Variants in PPHLN1 observed in about 807,000 individuals in gnomAD.
The protein encoded by PPHLN1 is periphilin-1.
PPHLN1 carries 29 observed loss-of-function variants against 51.3 expected under a neutral mutation model. That is an observed-to-expected ratio of 0.57 (90% CI 0.42 to 0.77). The LOEUF (loss-of-function observed/expected upper bound fraction) is 0.77. Ranked by LOEUF, PPHLN1 falls within the 30% of genes least tolerant of loss-of-function variation. The pLI is 0.00. For synonymous variants in PPHLN1, 147 were observed against 147.8 expected (o/e 0.99, Z 0.04); for missense variants, 436 against 438.4 (o/e 0.99, Z 0.05).
chr12:42,360,317 T>C (rs1263016778), intron 4 of PPHLN1, among the ~76,000 whole-genome samples: 1 of 151,474 alleles, frequency 6.6e-6, no homozygotes, highest in Non-Finnish European at 1.5e-5. Flanking sequence ...TTAGTGTTTT[T>C]GGCAAGATGA....
chr12:42,428,790 TA>T (rs1377853584), intron 9 of PPHLN1, among the ~76,000 whole-genome samples: 9 of 149,734 alleles, frequency 6.0e-5, no homozygotes, highest in Admixed American at 4.0e-4. Context: ...AATACTTAAT[TA>T]AAAAAAATGA....
At chr12:42,392,979 A>T (rs1279432620) in intron 7 of PPHLN1, among the ~76,000 whole-genome samples, 1 of 152,228 alleles carries the variant, frequency 6.6e-6, no homozygotes, top group East Asian at 1.9e-4. Context: ...CTAGCAAGTC[A>T]TTAAACTGCG....
chr12:42,410,533 A>C (rs2079718077), intron 9 of PPHLN1, among the ~76,000 whole-genome samples: 2 of 152,208 alleles, frequency 1.3e-5, no homozygotes, highest in Admixed American at 1.3e-4. Flanking sequence ...TTCCTTGCAT[A>C]TCGTAGACTT....
At chr12:42,389,524 C>T (rs2077501248) in intron 7 of PPHLN1, among the ~76,000 whole-genome samples, 1 of 152,208 alleles carries the variant, frequency 6.6e-6, no homozygotes, top group South Asian at 2.1e-4. Flanking sequence ...CACGCCACTG[C>T]ACTCCAGCCT....
chr12:42,369,741 C>G (rs1320617677), intron 4 of PPHLN1, among the ~76,000 whole-genome samples: 2 of 152,148 alleles, frequency 1.3e-5, no homozygotes, highest in Non-Finnish European at 2.9e-5. Flanking sequence ...CTCCTAATTC[C>G]TTGATTCTTG....
chr12:42,415,432 A>G lies in PPHLN1; in HGVS notation c.909+16438A>G, dbSNP rs546020536. On this transcript the variant is annotated intron_variant, in intron 9 of 9. Coordinates refer to ENST00000358314, the MANE Select transcript of PPHLN1 (RefSeq NM_201439.2). ...ATGATTCACCCGCCTCGGCCTCCCA[A>G]AGTGCTGCGATTACAGGCGTGAGCC... Among the ~76,000 whole-genome samples, 139 of 152,216 alleles carry G rather than the reference A, an allele frequency of 9.1e-4. 1 individual carries two copies. Among genetic ancestry groups the G allele is most frequent in the African/African-American group, 3.1e-3 (128 of 41,528 alleles).
chr12:42,439,338 C>T (rs1279389540), intron 9 of PPHLN1, among the ~76,000 whole-genome samples: 1 of 152,202 alleles, frequency 6.6e-6, no homozygotes, highest in Non-Finnish European at 1.5e-5. Context: ...AAGTTGAAGA[C>T]TATCTTTTCT....
chr12:42,392,434 A>T (rs867651291), intron 7 of PPHLN1, among the ~76,000 whole-genome samples: 1 of 152,216 alleles, frequency 6.6e-6, no homozygotes, highest in African/African-American at 2.4e-5. Flanking sequence ...AGTGCCCAGC[A>T]CTGTCATCCA....
chr12:42,333,076 G>C (rs765128904), intron 1 of PPHLN1, among the ~76,000 whole-genome samples: 13 of 152,154 alleles, frequency 8.5e-5, no homozygotes, highest in Non-Finnish European at 1.5e-4. Flanking sequence ...ACTCCCAGGA[G>C]TAGTCTGTAC....
At chr12:42,412,908 T>C (rs2080005154) in intron 9 of PPHLN1, among the ~76,000 whole-genome samples, 1 of 152,210 alleles carries the variant, frequency 6.6e-6, no homozygotes, top group South Asian at 2.1e-4. Context: ...TTGTTGGTCA[T>C]TTGTGTATCT....
At chr12:42,343,106 C>T (rs1211896545) in intron 2 of PPHLN1, among the ~76,000 whole-genome samples, 1 of 152,154 alleles carries the variant, frequency 6.6e-6, no homozygotes, top group Non-Finnish European at 1.5e-5. Context: ...TTTCTTTTGA[C>T]TAACTTGACA....
chr12:42,418,771 A>AT (rs939456091), intron 9 of PPHLN1, among the ~76,000 whole-genome samples: 22 of 152,012 alleles, frequency 1.4e-4, no homozygotes, highest in Middle Eastern at 3.4e-3. Context: ...ACAATTATAC[A>AT]TTTTTTTTGT....
In PPHLN1 at chr12:42,425,429, C is replaced by G. The variant is rs145751700; in HGVS notation, c.910-15886C>G. Among the ~76,000 whole-genome samples, 734 of 149,178 alleles carry G rather than the reference C, an allele frequency of 4.9e-3. 10 individuals carry two copies. Among genetic ancestry groups the G allele is most frequent in the African/African-American group, 0.018 (708 of 40,448 alleles). On this transcript the variant is annotated intron_variant, in intron 9 of 9. Coordinates refer to ENST00000358314, the MANE Select transcript of PPHLN1 (RefSeq NM_201439.2). Reference sequence around the variant, plus strand: ...TGAGATGGAGTCTTGCTCTGTCGCCCAGGCTGGAGTGCAGTGGTGCTATCT... The same window carrying G: ...TGAGATGGAGTCTTGCTCTGTCGCCGAGGCTGGAGTGCAGTGGTGCTATCT...
chr12:42,366,957 GT>G (rs962455847), intron 4 of PPHLN1, among the ~76,000 whole-genome samples: 1 of 151,930 alleles, frequency 6.6e-6, no homozygotes, highest in Non-Finnish European at 1.5e-5. Context: ...TCATGAACAA[GT>G]TTTTTTTCTC....
intron 9 of PPHLN1, among the ~76,000 whole-genome samples, chr12:42,428,500 GTCAC>G (rs2081705600): frequency 1.3e-5 from 2 of 152,152 alleles, no homozygotes; most frequent in Non-Finnish European, 2.9e-5. Context: ...TCTAAGTGAA[GTCAC>G]TAACTCAGGA....
chr12:42,328,576 AATTG>A (rs1175700953), intron 1 of PPHLN1, among the ~76,000 whole-genome samples: 2 of 152,236 alleles, frequency 1.3e-5, no homozygotes, highest in African/African-American at 4.8e-5. Flanking sequence ...AATTTCAGTT[AATTG>A]ATCAATTATA....
intron 7 of PPHLN1, among the ~76,000 whole-genome samples, chr12:42,389,343 A>G (rs2077477480): frequency 6.6e-6 from 1 of 152,092 alleles, no homozygotes. Context: ...ACTGCACTCC[A>G]GCCTGGTAAC....
intron 9 of PPHLN1, among the ~76,000 whole-genome samples, chr12:42,431,172 A>C (rs73273911): frequency 0.02 from 2,990 of 152,330 alleles, 85 homozygotes; most frequent in African/African-American, 0.068. Context: ...ATTTTTCTCT[A>C]TAAAGCATTT....
intron 1 of PPHLN1, among the ~76,000 whole-genome samples, chr12:42,335,073 CTT>C (rs759940134): frequency 8.5e-5 from 13 of 152,082 alleles, no homozygotes; most frequent in Non-Finnish European, 1.0e-4. Flanking sequence ...CTCATTTTCT[CTT>C]GTTTGCCTTG....
Sources: gnomAD v4.1 joint callset for allele counts (sites outside exome capture counted in the v4.1 genomes callset) on GRCh38, gnomAD v4.1.1 for gene constraint, MANE v1.5 for transcripts, NCBI Gene and HGNC (gene_info 2026-07-23, HGNC 2026-07-21) for gene names.